TMEM150C: variants seen among roughly 807,000 people sequenced by gnomAD.
TMEM150C encodes the protein transmembrane protein 150C, also known as tentonin 3.
In TMEM150C, 10 loss-of-function variants were observed where a neutral mutation model predicts 29.9. The ratio of observed to expected loss-of-function variants is 0.33; its 90% confidence interval spans 0.21 to 0.57. The LOEUF is 0.57. TMEM150C is among the 20% of genes least tolerant of loss of function. The pLI is 0.88. For synonymous variants in TMEM150C, 101 were observed against 112.5 expected (o/e 0.90, Z 0.64); for missense variants, 251 against 303.6 (o/e 0.83, Z 1.29).
chr4:82,504,832 C>T (rs1373949060), intron 1 of TMEM150C, among the ~76,000 whole-genome samples, 165 bp from the exon 2 acceptor site: 1 of 152,068 alleles, frequency 6.6e-6, no homozygotes, highest in Non-Finnish European at 1.5e-5. Flanking sequence ...AGATCGAGAC[C>T]ATCCTGGCTA....
At chr4:82,515,396 A>G (rs917042297) in intron 1 of TMEM150C, among the ~76,000 whole-genome samples, 3 of 152,202 alleles carry the variant, frequency 2.0e-5, no homozygotes, top group Admixed American at 2.0e-4. Context: ...TTCATTTTAT[A>G]GATGACAGTG....
chr4:82,547,773 G>A (rs2110090933), intron 1 of TMEM150C, among the ~76,000 whole-genome samples: 1 of 152,292 alleles, frequency 6.6e-6, no homozygotes, highest in East Asian at 1.9e-4. Flanking sequence ...AATTAGTCCA[G>A]TCACAGTGGA....
chr4:82,536,142 C>T (rs972177221), intron 1 of TMEM150C, among the ~76,000 whole-genome samples: 2 of 151,954 alleles, frequency 1.3e-5, no homozygotes, highest in Admixed American at 6.6e-5. Context: ...AGGTGGATCA[C>T]GAAGTCAAGA....
chr4:82,517,650 C>G (rs1023559085), intron 1 of TMEM150C, among the ~76,000 whole-genome samples: 8 of 152,290 alleles, frequency 5.3e-5, no homozygotes, highest in South Asian at 2.1e-4. Context: ...GGCTCTGAAG[C>G]CTTCAGCTTC....
intron 5 of TMEM150C, among the ~76,000 whole-genome samples, chr4:82,499,719 CAAAAAA>C (rs1197264258): frequency 1.2e-4 from 5 of 40,290 alleles, no homozygotes; most frequent in Non-Finnish European, 1.7e-4. Context: ...ACTCCGTCTC[CAAAAAA>C]AAAAAAAAAA....
intron 1 of TMEM150C, among the ~76,000 whole-genome samples, chr4:82,544,512 C>T (rs183989746): frequency 6.6e-6 from 1 of 152,336 alleles, no homozygotes; most frequent in Admixed American, 6.5e-5. Flanking sequence ...AGCACAGTGG[C>T]TCATGCCTGT....
At chr4:82,520,351 C>G (rs1293975467) in intron 1 of TMEM150C, among the ~76,000 whole-genome samples, 1 of 152,208 alleles carries the variant, frequency 6.6e-6, no homozygotes, top group East Asian at 1.9e-4. Flanking sequence ...AGTGTCCTCC[C>G]AGTCTTGCTC....
intron 5 of TMEM150C, among the ~76,000 whole-genome samples, chr4:82,501,192 A>G (rs1723725936): frequency 6.6e-6 from 1 of 152,228 alleles, no homozygotes; most frequent in African/African-American, 2.4e-5. Context: ...GAATGGTGTC[A>G]AGAGTAGAAA....
intron 1 of TMEM150C, among the ~76,000 whole-genome samples, chr4:82,549,799 A>T (rs933995713): frequency 6.6e-6 from 1 of 152,194 alleles, no homozygotes; most frequent in Non-Finnish European, 1.5e-5. Flanking sequence ...ACCTTAATTT[A>T]TTTAACCCAG....
At position 82,485,651 on chromosome 4, in the gene TMEM150C, A is replaced by G; in HGVS notation, c.610T>C (p.Phe204Leu). Residue 204 changes from phenylalanine (F) to leucine (L), a missense_variant, in exon 8 of 8, where the codon TTC becomes CTC. Transcript: ENST00000449862. ...ARVQWGLVMC[F>L]LSYFGTFAVE... ...GCAAAGGTGCCAAAATAAGACAGGAAGCACATGACCAGGCCCCACTGGACC... is the reference window on the plus strand; with the variant it reads ...GCAAAGGTGCCAAAATAAGACAGGAGGCACATGACCAGGCCCCACTGGACC... 6 of 1,609,834 alleles carry G rather than the reference A, an allele frequency of 3.7e-6. No individual in the cohort carries two copies. Among genetic ancestry groups the G allele is most frequent in the South Asian group, 1.1e-5 (1 of 89,944 alleles).
chr4:82,512,365 T>C (rs1317881839), intron 1 of TMEM150C, among the ~76,000 whole-genome samples: 1 of 152,234 alleles, frequency 6.6e-6, no homozygotes, highest in Non-Finnish European at 1.5e-5. Flanking sequence ...ATGCTCAATA[T>C]CACCTACCTC....
chr4:82,520,649 G>T (rs535788931), intron 1 of TMEM150C, among the ~76,000 whole-genome samples: 2 of 152,192 alleles, frequency 1.3e-5, no homozygotes, highest in African/African-American at 2.4e-5. Flanking sequence ...ATACCAGCAC[G>T]GAGGTGGGTG....
At chr4:82,494,587 A>G (rs531054238) in intron 6 of TMEM150C, among the ~76,000 whole-genome samples, 67 of 152,260 alleles carry the variant, frequency 4.4e-4, no homozygotes, top group Non-Finnish European at 8.7e-4. Flanking sequence ...TTACGAAAAA[A>G]AAGTATAAAC....
rs3832273 is a variant in TMEM150C, at chr4:82,485,396, A to ATGTGTGTGTG, written c.*105_*114dup. ...GCTCATTTGGCAAATGTGGCCATGA[A>ATGTGTGTGTG]TGTGTGTGTGTGTGTGTGTGTGAAA... is the stretch of plus-strand genomic sequence containing the variant. On this transcript the variant is annotated 3_prime_UTR_variant, in exon 8 of 8. Coordinates refer to ENST00000449862, the MANE Select transcript of TMEM150C (RefSeq NM_001080506.3). The ATGTGTGTGTG allele has an allele frequency of 5.1e-4, 353 of 694,672 alleles. No individual in the cohort carries two copies. Among genetic ancestry groups the ATGTGTGTGTG allele is most frequent in the Middle Eastern group, 7.9e-4 (2 of 2,518 alleles). The allele number at this position is 694,672 out of a possible 1,614,324, so 43.0% of individuals were successfully genotyped here.
intron 1 of TMEM150C, among the ~76,000 whole-genome samples, chr4:82,548,123 G>A (rs770403519): frequency 1.3e-4 from 20 of 152,136 alleles, no homozygotes; most frequent in Non-Finnish European, 2.1e-4. Context: ...AATACCGTAC[G>A]TTCTCATAAG....
At chr4:82,558,971 A>G (rs59144743) in intron 1 of TMEM150C, among the ~76,000 whole-genome samples, 2,076 of 152,180 alleles carry the variant, frequency 0.014, 40 homozygotes, top group African/African-American at 0.047. Flanking sequence ...GTACTTTGTA[A>G]TCTCCCCCAC....
At chr4:82,560,667 A>C (rs1468623919) in intron 1 of TMEM150C, among the ~76,000 whole-genome samples, 1 of 152,198 alleles carries the variant, frequency 6.6e-6, no homozygotes, top group Non-Finnish European at 1.5e-5. Flanking sequence ...GGAAACTTTA[A>C]GTAGGTCAGT....
At chr4:82,541,088 AATT>A (rs1578151185) in intron 1 of TMEM150C, among the ~76,000 whole-genome samples, 1 of 152,172 alleles carries the variant, frequency 6.6e-6, no homozygotes. Context: ...GCAGTCACAT[AATT>A]ATTATCTAGT....
intron 1 of TMEM150C, among the ~76,000 whole-genome samples, chr4:82,509,093 G>A (rs187686966): frequency 1.3e-5 from 2 of 152,118 alleles, no homozygotes; most frequent in Non-Finnish European, 2.9e-5. Context: ...TATTTCTGTC[G>A]CATGTTCTTT....
Sources: gnomAD v4.1 joint callset for allele counts (sites outside exome capture counted in the v4.1 genomes callset) on GRCh38, gnomAD v4.1.1 for gene constraint, MANE v1.5 for transcripts, NCBI Gene and HGNC (gene_info 2026-07-23, HGNC 2026-07-21) for gene names.